Variants in KLHL29 observed in about 807,000 individuals in gnomAD.
KLHL29 encodes kelch-like protein 29.
In KLHL29, 21 loss-of-function variants were observed where a neutral mutation model predicts 80.4. That is an observed-to-expected ratio of 0.26 (90% CI 0.19 to 0.38). The LOEUF (loss-of-function observed/expected upper bound fraction) is 0.38. Among genes scored for constraint, KLHL29 ranks in the 10% least tolerant of loss-of-function variants. KLHL29 has a pLI of 1.00. For missense variants in KLHL29, 867 were observed against 1,223.9 expected (o/e 0.71, Z 4.35); for synonymous variants, 511 against 526.8 (o/e 0.97, Z 0.41).
At chr2:23,472,781 G>C (rs1664533871) in intron 1 of KLHL29, among the ~76,000 whole-genome samples, 1 of 152,180 alleles carries the variant, frequency 6.6e-6, no homozygotes, top group African/African-American at 2.4e-5. Flanking sequence ...GAGGTTCCTA[G>C]GAGTTAAAGA....
chr2:23,508,523 A>G (rs79917393), intron 2 of KLHL29, among the ~76,000 whole-genome samples: 5,816 of 152,338 alleles, frequency 0.038, 326 homozygotes, highest in African/African-American at 0.12. Flanking sequence ...GCTCCATTCT[A>G]TTAGTTACAA....
intron 2 of KLHL29, among the ~76,000 whole-genome samples, chr2:23,483,483 G>T (rs1381977329): frequency 6.6e-6 from 1 of 152,162 alleles, no homozygotes; most frequent in African/African-American, 2.4e-5. Context: ...AGCTCACAGG[G>T]CATTGGCCAG....
chr2:23,533,750 G>A (rs535779935), intron 2 of KLHL29, among the ~76,000 whole-genome samples: 19 of 152,202 alleles, frequency 1.2e-4, no homozygotes, highest in Non-Finnish European at 2.8e-4. Flanking sequence ...GAATTTCCTT[G>A]TGCTGACAAT....
chr2:23,584,697 T>C (rs993257726), intron 3 of KLHL29, among the ~76,000 whole-genome samples: 2 of 152,204 alleles, frequency 1.3e-5, no homozygotes, highest in Admixed American at 1.3e-4. Context: ...CCCAGCACTT[T>C]GTCTAGGAAG....
At position 23,429,326 on chromosome 2, in the gene KLHL29, A is replaced by G. The variant is rs10181921; in HGVS notation, c.-154+43546A>G. On this transcript the variant is annotated intron_variant, in intron 1 of 13. Coordinates refer to ENST00000486442, the MANE Select transcript of KLHL29 (RefSeq NM_052920.2). ...ATGTCCCTGGGAGAGGTTGCACTGT[A>G]CAATGATATGTGCTCCTCAGCGTGT... Among the ~76,000 whole-genome samples, 387 of 152,360 alleles carry G rather than the reference A, an allele frequency of 2.5e-3. 3 individuals carry two copies. The highest frequency in any genetic ancestry group is 9.2e-3 in the African/African-American group (383 of 41,584).
chr2:23,491,070 T>C (rs982097442), intron 2 of KLHL29, among the ~76,000 whole-genome samples: 1 of 152,010 alleles, frequency 6.6e-6, no homozygotes, highest in African/African-American at 2.4e-5. Flanking sequence ...ATCATCTAGG[T>C]TTTAAGCCCT....
At chr2:23,525,142 T>G (rs1472866847) in intron 2 of KLHL29, among the ~76,000 whole-genome samples, 2 of 152,190 alleles carry the variant, frequency 1.3e-5, no homozygotes, top group Non-Finnish European at 2.9e-5. Flanking sequence ...TTCAAGGTGC[T>G]GGGAGCTAAG....
At chr2:23,510,424 G>T (rs994332950) in intron 2 of KLHL29, among the ~76,000 whole-genome samples, 2 of 152,206 alleles carry the variant, frequency 1.3e-5, no homozygotes, top group South Asian at 4.1e-4. Context: ...ATGGCCTGCT[G>T]TGTGGGGCCA....
rs1671094429 is a variant in KLHL29, at chr2:23,681,910, T to C, written c.941-2489T>C. On this transcript the variant is annotated intron_variant, in intron 5 of 13. Coordinates refer to ENST00000486442, the MANE Select transcript of KLHL29 (RefSeq NM_052920.2). The surrounding 1 kb of genome is among the most constrained non-coding windows in gnomAD (Gnocchi z 4.2). ...CAGCCTGGCCCTGCAACTGGCCCTG[T>C]GCTGTCTCCCCTCCGCCTGGGCTGT... Among the ~76,000 whole-genome samples the C allele has an allele frequency of 6.6e-6, 1 of 152,176 alleles. No homozygotes were observed. The highest frequency in any genetic ancestry group is 1.5e-5 in the Non-Finnish European group (1 of 68,024).
At chr2:23,671,410 G>C (rs1670755797) in intron 5 of KLHL29, among the ~76,000 whole-genome samples, 1 of 152,176 alleles carries the variant, frequency 6.6e-6, no homozygotes, top group East Asian at 1.9e-4. Flanking sequence ...AGCCGTAGCT[G>C]ACCAGATCTT....
At chr2:23,558,369 G>T (rs114026417) in intron 2 of KLHL29, among the ~76,000 whole-genome samples, 1 of 150,980 alleles carries the variant, frequency 6.6e-6, no homozygotes, top group Non-Finnish European at 1.5e-5. Context: ...TGTCCTTCAA[G>T]GTTCGAGGTC....
At chr2:23,570,149 C>G (rs1667683848) in intron 3 of KLHL29, among the ~76,000 whole-genome samples, 1 of 152,210 alleles carries the variant, frequency 6.6e-6, no homozygotes. Context: ...AAATAAAGAG[C>G]CCTGAGAACT....
At chr2:23,494,270 C>T (rs993491385) in intron 2 of KLHL29, among the ~76,000 whole-genome samples, 1 of 152,148 alleles carries the variant, frequency 6.6e-6, no homozygotes, top group Non-Finnish European at 1.5e-5. Flanking sequence ...ACTATGGCAA[C>T]TGAATAGCAA....
At chr2:23,462,985 AAAAAT>A (rs1664256349) in intron 1 of KLHL29, among the ~76,000 whole-genome samples, 1 of 152,140 alleles carries the variant, frequency 6.6e-6, no homozygotes, top group African/African-American at 2.4e-5. Flanking sequence ...AAAAATAAAT[AAAAAT>A]AAAATGTTAA....
At chr2:23,574,819 A>G (rs550008188) in intron 3 of KLHL29, among the ~76,000 whole-genome samples, 6 of 152,216 alleles carry the variant, frequency 3.9e-5, no homozygotes, top group Non-Finnish European at 2.9e-5. Flanking sequence ...CAGCTGACCC[A>G]CCACGCCATT....
chr2:23,537,102 C>G (rs1472415597), intron 2 of KLHL29, among the ~76,000 whole-genome samples: 1 of 152,168 alleles, frequency 6.6e-6, no homozygotes, highest in Non-Finnish European at 1.5e-5. Context: ...CTGGATGCCA[C>G]TTTCTTGCAG....
chr2:23,443,775 A>G (rs1663598476), intron 1 of KLHL29, among the ~76,000 whole-genome samples: 1 of 152,244 alleles, frequency 6.6e-6, no homozygotes, highest in Non-Finnish European at 1.5e-5. Flanking sequence ...TGGTTTAATC[A>G]TTAGGTTAAA....
intron 2 of KLHL29, among the ~76,000 whole-genome samples, chr2:23,545,259 G>A (rs780024163): frequency 2.6e-5 from 4 of 152,206 alleles, no homozygotes; most frequent in Non-Finnish European, 4.4e-5. Flanking sequence ...AAGAGCACTG[G>A]CTTCAGAGTC....
Position 23,696,015 on chromosome 2 carries a change from G to A in KLHL29, c.1806G>A (p.Leu602=), listed in dbSNP as rs1332196671. Residue 602 remains leucine, a synonymous_variant, in exon 10 of 14, where the codon CTG becomes CTA. Coordinates refer to ENST00000486442, the MANE Select transcript of KLHL29 (RefSeq NM_052920.2). This position sits in a 1 kb window ranked among gnomAD's most constrained non-coding sequence, Gnocchi z 5.5. Reference sequence around the variant, plus strand: ...TGGTGGGGATGACCCAGCGCTCGCTGGTGGCCGTCACCTGCTGGAACCCGC... The same window carrying A: ...TGGTGGGGATGACCCAGCGCTCGCTAGTGGCCGTCACCTGCTGGAACCCGC... The part of the protein sequence containing the change: ...RQMVGMTQRS[L]VAVTCWNPQN... 1.9e-6 allele frequency: 3 copies of A among 1,551,736 alleles called. No individual in the cohort carries two copies. The Admixed American group carries it at 5.9e-5, about 30-fold the overall frequency.
Sources: gnomAD v4.1 joint callset for allele counts (sites outside exome capture counted in the v4.1 genomes callset) on GRCh38, gnomAD v4.1.1 for gene constraint, Gnocchi (gnomAD v3.1) non-coding constraint, MANE v1.5 for transcripts, NCBI Gene and HGNC (gene_info 2026-07-23, HGNC 2026-07-21) for gene names.